The following FANCL variants were observed in gnomAD, a reference collection of about 807,000 sequenced individuals.
The protein encoded by FANCL is E3 ubiquitin-protein ligase FANCL.
Under a neutral mutation model 59.4 loss-of-function variants are expected in FANCL, and 69 were observed. The ratio of observed to expected loss-of-function variants is 1.16; its 90% confidence interval spans 0.96 to 1.42. The LOEUF is 1.42. FANCL is among the 40% of genes most tolerant of loss of function. The pLI is 0.00. For missense variants in FANCL, 519 were observed against 447.2 expected, an observed-to-expected ratio of 1.16 and a Z score of -1.45; for synonymous variants, 180 against 147.1, an observed-to-expected ratio of 1.22 and a Z score of -1.62.
chr2:58,204,645 T>G (rs562517140), intron 5 of FANCL, among the ~76,000 whole-genome samples: 1 of 152,250 alleles, frequency 6.6e-6, no homozygotes, highest in African/African-American at 2.4e-5. Context: ...TTCTCCTCAA[T>G]GAACTTCTCC....
intron 7 of FANCL, among the ~76,000 whole-genome samples, chr2:58,171,543 T>C (rs762159653): frequency 2.2e-4 from 33 of 151,758 alleles, no homozygotes; most frequent in Admixed American, 1.3e-3. Context: ...CTGAAGGAGA[T>C]AGAGACACGA....
chr2:58,190,823 T>C (rs1688854994), intron 7 of FANCL, among the ~76,000 whole-genome samples: 1 of 151,924 alleles, frequency 6.6e-6, no homozygotes, highest in African/African-American at 2.4e-5. Flanking sequence ...TATTTTCCAA[T>C]TCTATATCTA....
chr2:58,167,582 C>T (rs1048359875), intron 7 of FANCL, among the ~76,000 whole-genome samples: 1 of 152,162 alleles, frequency 6.6e-6, no homozygotes, highest in South Asian at 2.1e-4. Flanking sequence ...CTCTTATGCA[C>T]AACTGCAAAT....
intron 5 of FANCL, among the ~76,000 whole-genome samples, chr2:58,220,698 G>A (rs2103729156): frequency 6.6e-6 from 1 of 152,146 alleles, no homozygotes; most frequent in South Asian, 2.1e-4. Flanking sequence ...TTGATTTTCT[G>A]GTTCTTTTTA....
chr2:58,167,008 T>C (rs1486836541), intron 7 of FANCL, among the ~76,000 whole-genome samples: 1 of 152,180 alleles, frequency 6.6e-6, no homozygotes, highest in Non-Finnish European at 1.5e-5. Context: ...GGTCAAGAGA[T>C]AGAGACCATC....
At chr2:58,177,267 C>A (rs1232454432) in intron 7 of FANCL, among the ~76,000 whole-genome samples, 1 of 152,102 alleles carries the variant, frequency 6.6e-6, no homozygotes, top group Non-Finnish European at 1.5e-5. Context: ...TTGACCCAGC[C>A]ATCCCATTAC....
intron 5 of FANCL, among the ~76,000 whole-genome samples, chr2:58,212,705 C>A (rs1044422253): frequency 3.3e-5 from 5 of 151,910 alleles, no homozygotes; most frequent in Non-Finnish European, 5.9e-5. Context: ...AACAGAAACC[C>A]ACCAAGACAT....
chr2:58,239,378 G>T (rs1016044259), intron 1 of FANCL, among the ~76,000 whole-genome samples: 1 of 152,124 alleles, frequency 6.6e-6, no homozygotes, highest in Non-Finnish European at 1.5e-5. Context: ...GAATTTAATA[G>T]TGAGGAAATA....
intron 6 of FANCL, among the ~76,000 whole-genome samples, chr2:58,200,400 T>G (rs1689879006): frequency 6.6e-6 from 1 of 152,060 alleles, no homozygotes; most frequent in Non-Finnish European, 1.5e-5. Flanking sequence ...TTACAAAATC[T>G]CTTTTCCTTC....
intron 7 of FANCL, among the ~76,000 whole-genome samples, chr2:58,177,136 T>C (rs922909376): frequency 9.9e-5 from 15 of 152,230 alleles, no homozygotes; most frequent in Admixed American, 6.5e-4. Context: ...AAACAACAGG[T>C]GCTGGAGAGG....
chr2:58,210,008 T>A (rs762491763), intron 5 of FANCL, among the ~76,000 whole-genome samples: 6 of 152,204 alleles, frequency 3.9e-5, no homozygotes, highest in Non-Finnish European at 7.4e-5. Flanking sequence ...CTTGAAAAGT[T>A]CAACTAGTTG....
Position 58,161,547 on chromosome 2 carries a change from GGTT to G in FANCL, c.992_994del (p.Gln331del), listed in dbSNP as rs753659121. On this transcript the variant is annotated inframe_deletion, in exon 12 of 14. Coordinates refer to ENST00000233741, the MANE Select transcript of FANCL (RefSeq NM_018062.4). ...CTCATATAAGCATATTTGATGGAAA[GGTT>G]GTCCACACTGAGAATTATCACACAC... is the stretch of plus-strand genomic sequence containing the variant. 1 of 1,609,416 alleles carries G rather than the reference GGTT, an allele frequency of 6.2e-7. No individual in the cohort carries two copies. Among genetic ancestry groups the G allele is most frequent in the South Asian group, 1.1e-5 (1 of 90,966 alleles).
chr2:58,167,658 A>G (rs1041822700), intron 7 of FANCL, among the ~76,000 whole-genome samples: 1 of 152,232 alleles, frequency 6.6e-6, no homozygotes, highest in Non-Finnish European at 1.5e-5. Flanking sequence ...AAAACAAAAC[A>G]TCCCTGGAAC....
In FANCL at chr2:58,159,253, A is replaced by T. The variant is rs955054484; in HGVS notation, c.*512T>A. ...ATAACACGCAAAAACTTGATCTTGT[A>T]TAACATTTTATTTAGCATTCTTACA... On this transcript the variant is annotated 3_prime_UTR_variant, in exon 14 of 14. Coordinates refer to ENST00000233741, the MANE Select transcript of FANCL (RefSeq NM_018062.4). 1.1e-6 allele frequency: 1 copy of T among 945,744 alleles called. No individual in the cohort carries two copies. Among genetic ancestry groups the T allele is most frequent in the Non-Finnish European group, 1.6e-6 (1 of 639,448 alleles). The allele number at this position is 945,744 out of a possible 1,614,324, so 58.6% of individuals were successfully genotyped here. A position where few individuals can be genotyped will look rare whatever the true frequency, so the allele number is the denominator to read the frequency against.
chr2:58,220,951 G>A (rs924936401), intron 5 of FANCL, among the ~76,000 whole-genome samples: 3 of 152,156 alleles, frequency 2.0e-5, no homozygotes, highest in East Asian at 1.9e-4. Flanking sequence ...GGTGGCTCAC[G>A]CCTGTAATCC....
At chr2:58,160,679 A>G (rs146491823) in intron 12 of FANCL, among the ~76,000 whole-genome samples, 2 of 152,170 alleles carry the variant, frequency 1.3e-5, no homozygotes, top group East Asian at 1.9e-4. Context: ...TAAAAATTAA[A>G]TGAATATTCA....
chr2:58,208,292 A>C (rs1010956677), intron 5 of FANCL, among the ~76,000 whole-genome samples: 4 of 152,192 alleles, frequency 2.6e-5, no homozygotes, highest in African/African-American at 7.2e-5. Flanking sequence ...GCATATTCTA[A>C]AATTGACAAA....
At chr2:58,168,224 G>A (rs757716369) in intron 7 of FANCL, among the ~76,000 whole-genome samples, 8 of 152,196 alleles carry the variant, frequency 5.3e-5, no homozygotes, top group Admixed American at 1.3e-4. Flanking sequence ...GAAGGCAGGT[G>A]ATTTCTGCAT....
At chr2:58,231,414 C>G (rs549964849) in intron 2 of FANCL, among the ~76,000 whole-genome samples, 1 of 152,280 alleles carries the variant, frequency 6.6e-6, no homozygotes, top group South Asian at 2.1e-4. Flanking sequence ...CATCTGTGAC[C>G]TCTTCTCTAG....
Sources: allele counts gnomAD v4.1 joint callset (sites outside exome capture counted in the v4.1 genomes callset), GRCh38; gene constraint gnomAD v4.1.1; transcripts MANE v1.5; gene names NCBI Gene and HGNC (gene_info 2026-07-23, HGNC 2026-07-21).